MAP9: variants seen among roughly 807,000 people sequenced by gnomAD.
The protein encoded by MAP9 is microtubule associated protein 9.
Under a neutral mutation model 75.2 loss-of-function variants are expected in MAP9, and 80 were observed. The observed-to-expected ratio is 1.06, with a 90% CI of 0.89 to 1.28. The LOEUF (loss-of-function observed/expected upper bound fraction) is 1.28, where lower values mean the gene tolerates loss of function less well. MAP9 is among the 50% of genes most tolerant of loss of function. The pLI, the probability that MAP9 is intolerant of heterozygous loss-of-function variation, is 0.00. For missense variants in MAP9, 753 were observed against 719.9 expected (o/e 1.05, Z -0.53); for synonymous variants, 235 against 237.3 (o/e 0.99, Z 0.09).
chr4:155,350,337 T>C, intron 13 of MAP9: 1 of 389,380 alleles, frequency 2.6e-6, no homozygotes, highest in Non-Finnish European at 5.0e-6. Context: ...GCAGACATTT[T>C]ACTAGATATC....
chr4:155,348,701 C>A (rs35542124), intron 13 of MAP9, among the ~76,000 whole-genome samples: 41,309 of 151,972 alleles, frequency 0.27, 6,006 homozygotes, highest in Non-Finnish European at 0.32. Flanking sequence ...ATTTTCTGCT[C>A]AATTATTTGG....
chr4:155,351,514 A>G (rs1731510993), intron 13 of MAP9, among the ~76,000 whole-genome samples: 1 of 151,714 alleles, frequency 6.6e-6, no homozygotes, highest in African/African-American at 2.4e-5. Flanking sequence ...GAGATACTAT[A>G]AGGAAAGCCG....
At chr4:155,359,173 T>G (rs988460637) in intron 7 of MAP9, among the ~76,000 whole-genome samples, 3 of 150,900 alleles carry the variant, frequency 2.0e-5, no homozygotes, top group Non-Finnish European at 4.4e-5. Context: ...TCAACCTAAG[T>G]GTACATCAAC....
intron 13 of MAP9, among the ~76,000 whole-genome samples, chr4:155,348,207 C>T (rs187639375): frequency 1.8e-4 from 27 of 151,384 alleles, no homozygotes; most frequent in Admixed American, 1.7e-3. Flanking sequence ...TGTGGCGGTG[C>T]ATGCCTATAG....
intron 13 of MAP9, chr4:155,350,907 A>G (rs1179231044): frequency 6.6e-6 from 1 of 151,876 alleles, no homozygotes. Flanking sequence ...AGAGTTCTAC[A>G]ATTTTCTTTA....
chr4:155,350,268 TAAG>T (rs1334909288), intron 13 of MAP9: 2 of 454,600 alleles, frequency 4.4e-6, no homozygotes, highest in South Asian at 1.6e-5. Context: ...AAGAATTTGG[TAAG>T]AAGGAGAACC....
intron 13 of MAP9, among the ~76,000 whole-genome samples, chr4:155,350,644 A>C (rs765953210): frequency 5.9e-5 from 9 of 151,996 alleles, no homozygotes; most frequent in Non-Finnish European, 1.2e-4. Context: ...AATCATCATG[A>C]AACACTACCT....
At chr4:155,354,976 G>T in intron 10 of MAP9, 95 bp downstream of exon 10, 3 of 532,788 alleles carry the variant, frequency 5.6e-6, no homozygotes, top group Non-Finnish European at 9.9e-6. Flanking sequence ...AAGTTATTTT[G>T]CCATTTAAAA....
rs762333879 is a variant in MAP9 at position 155,352,580 on chromosome 4, G to A, written c.1821+16C>T. ...TACATGAAAAAGACGAAAGTGCATT[G>A]ACAAATAATACCTACCAGCCATTTT... On this transcript the variant is annotated intron_variant, in intron 13 of 13. Transcript: ENST00000311277. 10 of 1,560,904 alleles carry A rather than the reference G, an allele frequency of 6.4e-6. No individual in the cohort carries two copies. Among genetic ancestry groups the A allele is most frequent in the South Asian group, 1.2e-5 (1 of 85,710 alleles).
chr4:155,354,557 G>A (rs1290300531), intron 10 of MAP9, among the ~76,000 whole-genome samples: 4 of 143,014 alleles, frequency 2.8e-5, no homozygotes, highest in East Asian at 4.6e-4. Context: ...TCCGCCTCCC[G>A]GGTTCAAGTG....
At chr4:155,360,024 A>G in intron 7 of MAP9, 144 bp downstream of exon 7, 1 of 735,306 alleles carries the variant, frequency 1.4e-6, no homozygotes. Flanking sequence ...ATTAAGTAAG[A>G]ACCATGTGAC....
At chr4:155,371,064 A>G (rs1043927966) in intron 4 of MAP9, among the ~76,000 whole-genome samples, 3 of 152,214 alleles carry the variant, frequency 2.0e-5, no homozygotes, top group Admixed American at 6.5e-5. Flanking sequence ...TCATGATTTC[A>G]GTCATGTTAG....
intron 4 of MAP9, among the ~76,000 whole-genome samples, chr4:155,369,226 G>A (rs942011373): frequency 2.6e-5 from 4 of 151,718 alleles, no homozygotes; most frequent in East Asian, 1.9e-4. Flanking sequence ...AGGAGACTGA[G>A]GCAGGAGGAT....
rs571217101 is a variant in MAP9, at chr4:155,373,244, C to A, written c.373G>T (p.Val125Phe). 25 of 1,612,350 alleles carry A rather than the reference C, an allele frequency of 1.6e-5. No individual in the cohort carries two copies. The South Asian group carries it at 2.4e-4, about 16-fold the overall frequency. Residue 125 changes from valine to phenylalanine, a missense_variant, in exon 4 of 14, where the codon GTT (valine) becomes TTT (phenylalanine). Transcript: ENST00000311277. The part of the protein sequence containing the change: ...EMAPDGCEDI[V>F]VKSFSESQNK... ...TGAGATTCAGAGAAAGATTTTACAA[C>A]AATGTCTTCACACCCATCAGGTGCC...
At chr4:155,368,860 C>T (rs1295383741) in intron 4 of MAP9, 48 bp from the exon 5 acceptor site, 5 of 1,454,948 alleles carry the variant, frequency 3.4e-6, no homozygotes, top group Non-Finnish European at 4.7e-6. Context: ...ATGACCATGG[C>T]TTTATCTATC....
rs1412503619 is a variant in MAP9, at chr4:155,345,699, GAAGT to G, written c.*2080_*2083del. 2.0e-5 allele frequency: 3 copies of G among 152,026 alleles called. No homozygotes were observed. The highest frequency in any genetic ancestry group is 7.2e-5 in the African/African-American group (3 of 41,438). 9.4% of individuals were successfully genotyped at this position (152,026 alleles called of 1,614,324 possible). A position where few individuals can be genotyped will look rare whatever the true frequency, so the allele number is the denominator to read the frequency against. On this transcript the variant is annotated 3_prime_UTR_variant, in exon 14 of 14. Coordinates refer to ENST00000311277, the MANE Select transcript of MAP9 (RefSeq NM_001039580.2). The stretch of plus-strand genomic sequence containing the variant: ...TAACTCGGTTCTCACAACAACCTAA[GAAGT>G]AATAATGGTTAGCCACTAAATATGA...
At chr4:155,352,848 TTATAAAATCCTGAAGTGTTACTATAA>T in intron 12 of MAP9, 38 bp downstream of exon 12, 1 of 1,433,852 alleles carries the variant, frequency 7.0e-7, no homozygotes, top group Non-Finnish European at 9.5e-7. Flanking sequence ...TAAATAAATT[TTATAAAATCCTGAAGTGTTACTATAA>T]TTTAAAATAT....
chr4:155,355,372 A>G (rs1731726168), intron 9 of MAP9, among the ~76,000 whole-genome samples: 1 of 152,136 alleles, frequency 6.6e-6, no homozygotes, highest in African/African-American at 2.4e-5. Context: ...GGAAAGAAAA[A>G]ATTTAATAAC....
In MAP9 at chr4:155,346,239, A is replaced by AGTT. The variant is rs1731282744; in HGVS notation, c.*1541_*1543dup. ...CTGAGTTTTCTGATATTCTGATAGTAGTTATAAGATGCCTGAGTAACTCAT... is the reference window on the plus strand; with the variant it reads ...CTGAGTTTTCTGATATTCTGATAGTAGTTGTTATAAGATGCCTGAGTAACTCAT... On this transcript the variant is annotated 3_prime_UTR_variant, in exon 14 of 14. Coordinates refer to ENST00000311277, the MANE Select transcript of MAP9 (RefSeq NM_001039580.2). 1 of 152,178 alleles carries AGTT rather than the reference A, an allele frequency of 6.6e-6. No homozygotes were observed. The highest frequency in any genetic ancestry group is 1.5e-5 in the Non-Finnish European group (1 of 68,028). The allele number at this position is 152,178 out of a possible 1,614,324, so 9.4% of individuals were successfully genotyped here. A position where few individuals can be genotyped will look rare whatever the true frequency, so the allele number is the denominator to read the frequency against.
Sources: gnomAD v4.1 joint callset for allele counts (sites outside exome capture counted in the v4.1 genomes callset) on GRCh38, gnomAD v4.1.1 for gene constraint, MANE v1.5 for transcripts, NCBI Gene and HGNC (gene_info 2026-07-23, HGNC 2026-07-21) for gene names.